Variants in EEFSEC observed in about 807,000 individuals in gnomAD.
The protein encoded by EEFSEC is selenocysteine-specific elongation factor.
In EEFSEC, 43 loss-of-function variants were observed where a neutral mutation model predicts 42.1. The observed-to-expected ratio is 1.02, with a 90% CI of 0.80 to 1.32. EEFSEC has a LOEUF of 1.32. EEFSEC is among the 40% of genes most tolerant of loss of function. The pLI is 0.00. For missense variants in EEFSEC, 745 were observed against 803.6 expected (o/e 0.93, Z 0.88); for synonymous variants, 354 against 339.1 (o/e 1.04, Z -0.48).
chr3:128,360,656 G>A (rs1018982743), intron 6 of EEFSEC, among the ~76,000 whole-genome samples: 1 of 151,228 alleles, frequency 6.6e-6, no homozygotes, highest in Non-Finnish European at 1.5e-5. Flanking sequence ...GCCTCTCGGG[G>A]TGCTGGGGCG....
intron 6 of EEFSEC, among the ~76,000 whole-genome samples, chr3:128,361,339 A>G (rs1447069856): frequency 6.6e-6 from 1 of 152,170 alleles, no homozygotes; most frequent in Non-Finnish European, 1.5e-5. Context: ...GGGTCCTGCC[A>G]ACTCTTCACT....
In EEFSEC at chr3:128,167,752, CAG is replaced by C. The variant is rs140139453; in HGVS notation, c.316+13930_316+13931del. Among the ~76,000 whole-genome samples, 1,073 of 152,316 alleles carry C rather than the reference CAG, an allele frequency of 7.0e-3. 20 individuals are homozygous for C. Among genetic ancestry groups the C allele is most frequent in the African/African-American group, 0.025 (1,020 of 41,568 alleles). ...AAACATCCTTCTGATTTTGAGTTAA[CAG>C]GGGTGACCCTTTCAAGAACATTTTT... On this transcript the variant is annotated intron_variant, in intron 1 of 6. Transcript: ENST00000254730.
chr3:128,331,722 T>C (rs968732186), intron 4 of EEFSEC, among the ~76,000 whole-genome samples: 1 of 152,082 alleles, frequency 6.6e-6, no homozygotes, highest in Non-Finnish European at 1.5e-5. Context: ...TTCCTGGTAA[T>C]TGGAAACTGC....
intron 1 of EEFSEC, among the ~76,000 whole-genome samples, chr3:128,215,030 T>C (rs765703431): frequency 2.6e-5 from 4 of 152,230 alleles, no homozygotes; most frequent in Admixed American, 6.5e-5. Flanking sequence ...TTCATTATTG[T>C]GGTTGTAATA....
rs1038580825 is a variant in EEFSEC at position 128,358,191 on chromosome 3, C to G, written c.1444-26C>G. On this transcript the variant is annotated intron_variant, in intron 5 of 6. Coordinates refer to ENST00000254730, the MANE Select transcript of EEFSEC (RefSeq NM_021937.5). The stretch of plus-strand genomic sequence containing the variant: ...TCAGTGTGCACCACTAATGCCCTCT[C>G]TCTGTGGCTGGGTGTGTGGGGACAG... The G allele has an allele frequency of 9.3e-6, 15 of 1,611,138 alleles. No homozygotes were observed. In the Admixed American group the frequency reaches 1.0e-4, roughly 11 times the overall value.
intron 2 of EEFSEC, among the ~76,000 whole-genome samples, chr3:128,259,380 A>G (rs2066275005): frequency 6.6e-6 from 1 of 152,264 alleles, no homozygotes; most frequent in South Asian, 2.1e-4. Context: ...GCAATGCAAT[A>G]CAAATTAAAA....
At chr3:128,241,844 A>G (rs1488249730) in intron 1 of EEFSEC, among the ~76,000 whole-genome samples, 1 of 152,246 alleles carries the variant, frequency 6.6e-6, no homozygotes, top group Non-Finnish European at 1.5e-5. Context: ...AGTGCAATCC[A>G]ATAACATAGG....
chr3:128,290,450 A>T (rs1018773146), intron 4 of EEFSEC, among the ~76,000 whole-genome samples: 13 of 152,120 alleles, frequency 8.5e-5, no homozygotes, highest in South Asian at 6.2e-4. Flanking sequence ...TTGTCTTCTC[A>T]TGCTATCTTG....
At chr3:128,277,578 C>G (rs1385833258) in intron 4 of EEFSEC, among the ~76,000 whole-genome samples, 1 of 152,230 alleles carries the variant, frequency 6.6e-6, no homozygotes, top group Admixed American at 6.5e-5. Flanking sequence ...ACAGCTGTGG[C>G]TCCCCTGCCC....
intron 3 of EEFSEC, among the ~76,000 whole-genome samples, chr3:128,262,677 A>G (rs1210184285): frequency 6.6e-6 from 1 of 152,202 alleles, no homozygotes; most frequent in Non-Finnish European, 1.5e-5. Context: ...GGGGCAATGC[A>G]GCTTCCATCC....
At chr3:128,314,176 G>A (rs2066920137) in intron 4 of EEFSEC, among the ~76,000 whole-genome samples, 1 of 152,186 alleles carries the variant, frequency 6.6e-6, no homozygotes, top group South Asian at 2.1e-4. Context: ...AAGAACAGCT[G>A]TGTGTATCCT....
chr3:128,233,425 G>A (rs2065978575), intron 1 of EEFSEC, among the ~76,000 whole-genome samples: 1 of 152,192 alleles, frequency 6.6e-6, no homozygotes, highest in Non-Finnish European at 1.5e-5. Context: ...CTCATGGATG[G>A]AGAACCCTGG....
chr3:128,407,538 G>T (rs887893876), intron 6 of EEFSEC, among the ~76,000 whole-genome samples: 6 of 152,148 alleles, frequency 3.9e-5, no homozygotes, highest in Admixed American at 2.6e-4. Context: ...GAGGGCAGGT[G>T]GGGGTGAAGG....
At chr3:128,264,859 T>C in intron 4 of EEFSEC, 78 bp downstream of exon 4, 1 of 1,467,180 alleles carries the variant, frequency 6.8e-7, no homozygotes, top group Non-Finnish European at 9.2e-7. Flanking sequence ...TCTGTTCAGC[T>C]GCTGAGCCTG....
At chr3:128,302,230 G>A (rs933229724) in intron 4 of EEFSEC, among the ~76,000 whole-genome samples, 7 of 152,164 alleles carry the variant, frequency 4.6e-5, no homozygotes, top group African/African-American at 1.7e-4. Context: ...TGTTCCTTTT[G>A]TGGTAGAAAG....
chr3:128,183,951 T>A (rs932533614), intron 1 of EEFSEC, among the ~76,000 whole-genome samples: 1 of 152,158 alleles, frequency 6.6e-6, no homozygotes, highest in African/African-American at 2.4e-5. Flanking sequence ...CCTGAGAGGA[T>A]ACAATAGACC....
Position 128,408,138 on chromosome 3 carries a change from G to A in EEFSEC, c.1670G>A (p.Gly557Glu), listed in dbSNP as rs781143865. 15 of 1,611,672 alleles carry A rather than the reference G, an allele frequency of 9.3e-6. No individual in the cohort carries two copies. Among genetic ancestry groups the A allele is most frequent in the South Asian group, 1.1e-5 (1 of 90,860 alleles). The change falls in exon 7 of 7, where the codon GGG (glycine) becomes GAG (glutamate). Residue 557 changes from glycine (G) to glutamate (E), a missense_variant. By Grantham distance (98) the Gly-to-Glu change is moderately conservative. Coordinates refer to ENST00000254730, the MANE Select transcript of EEFSEC (RefSeq NM_021937.5). Reference sequence around the variant, plus strand: ...AAGAAGCGGGCCCGGGCTGGCCGTGGGGAGGCCACCAGGCAGGAGGAGAGC... The same window carrying A: ...AAGAAGCGGGCCCGGGCTGGCCGTGAGGAGGCCACCAGGCAGGAGGAGAGC... ...ALKKRARAGR[G>E]EATRQEESAE...
rs561322043 is a variant in EEFSEC, at chr3:128,339,530, A to G, written c.787-1703A>G. ...GTAGGAATGTTTGTTCATTTCAGGA[A>G]CTTTTATTGGAGACTTTTCTATGTC... On this transcript the variant is annotated intron_variant, in intron 4 of 6. Transcript: ENST00000254730. 1.3e-4 allele frequency among the ~76,000 whole-genome samples: 20 copies of G among 152,370 alleles called. 1 individual carries two copies. Among genetic ancestry groups the G allele is most frequent in the African/African-American group, 4.1e-4 (17 of 41,584 alleles).
chr3:128,357,718 A>C (rs763246125), intron 5 of EEFSEC, among the ~76,000 whole-genome samples: 4 of 151,898 alleles, frequency 2.6e-5, no homozygotes, highest in Non-Finnish European at 4.4e-5. Flanking sequence ...CAGGCTCAGG[A>C]GCGGCCCGGG....
Sources: allele counts gnomAD v4.1 joint callset (sites outside exome capture counted in the v4.1 genomes callset), GRCh38; gene constraint gnomAD v4.1.1; transcripts MANE v1.5; gene names NCBI Gene and HGNC (gene_info 2026-07-23, HGNC 2026-07-21).